ARHGAP8: variants seen among roughly 807,000 people sequenced by gnomAD.
ARHGAP8 encodes Rho GTPase activating protein 8, also known as rho GTPase-activating protein 8.
ARHGAP8 carries 62 observed loss-of-function variants against 46.1 expected under a neutral mutation model. That is an observed-to-expected ratio of 1.34 (90% CI 1.10 to 1.66). The LOEUF is 1.66. ARHGAP8 is among the 40% of genes most tolerant of loss of function. The pLI, the probability that ARHGAP8 is intolerant of heterozygous loss-of-function variation, is 0.00. For missense variants in ARHGAP8, 923 were observed against 568.4 expected (o/e 1.62, Z -6.34); for synonymous variants, 375 against 243.1 (o/e 1.54, Z -5.05).
intron 4 of ARHGAP8, chr22:44,809,807 A>G (rs1338038905): frequency 6.6e-6 from 1 of 152,606 alleles, no homozygotes; most frequent in East Asian, 1.9e-4. Context: ...AACCTGTAAC[A>G]GAAATCTGCT....
At chr22:44,826,093 G>A (rs867341204) in intron 7 of ARHGAP8, among the ~76,000 whole-genome samples, 15 of 152,092 alleles carry the variant, frequency 9.9e-5, no homozygotes, top group African/African-American at 3.6e-4. Flanking sequence ...GTGGTCATGG[G>A]ATGTGCTTAG....
Position 44,862,378 on chromosome 22 carries a change from C to G in ARHGAP8, c.1085C>G (p.Ala362Gly). 3 of 1,614,154 alleles carry G rather than the reference C, an allele frequency of 1.9e-6. No homozygotes were observed. In the South Asian group the frequency reaches 3.3e-5, roughly 18 times the overall value. Residue 362 changes from alanine to glycine, a missense_variant, in exon 12 of 12, where the codon GCC becomes GGC. Physicochemically the swap from Ala to Gly is moderately conservative, Grantham distance 60. Coordinates refer to ENST00000356099, the MANE Select transcript of ARHGAP8 (RefSeq NM_181335.3). ...TCCCAGGGGGTCTCCTCCCTGAGTG[C>G]CCTTGTGCCCCTGAACATGTTCACT... Reference protein sequence around the residue: ...WPSQGVSSLSALVPLNMFTEL... With the variant: ...WPSQGVSSLSGLVPLNMFTEL...
chr22:44,839,471 A>C (rs1010050920), intron 7 of ARHGAP8, among the ~76,000 whole-genome samples: 4 of 152,152 alleles, frequency 2.6e-5, no homozygotes, highest in Admixed American at 2.6e-4. Flanking sequence ...AATAAAACTA[A>C]AGCACACTCG....
intron 6 of ARHGAP8, among the ~76,000 whole-genome samples, chr22:44,825,163 G>C (rs2071759): frequency 2.0e-5 from 3 of 151,896 alleles, no homozygotes; most frequent in African/African-American, 7.3e-5. Flanking sequence ...AGACACTTGC[G>C]AGAGCTGAGG....
At chr22:44,777,805 C>T (rs1329638342) in intron 1 of ARHGAP8, among the ~76,000 whole-genome samples, 2 of 152,134 alleles carry the variant, frequency 1.3e-5, no homozygotes, top group African/African-American at 2.4e-5. Flanking sequence ...AAGCGGTTCT[C>T]CTGCCTGACC....
At chr22:44,845,384 T>C (rs751651840) in intron 8 of ARHGAP8, 42 bp downstream of exon 8, 7 of 1,612,916 alleles carry the variant, frequency 4.3e-6, no homozygotes, top group Non-Finnish European at 4.2e-6. Flanking sequence ...TGAGGGCTGC[T>C]GGGTGCACCT....
At chr22:44,849,296 G>T in intron 10 of ARHGAP8, 1 of 654,116 alleles carries the variant, frequency 1.5e-6, no homozygotes, top group Non-Finnish European at 2.5e-6. Flanking sequence ...TGTCCAGGCC[G>T]GTCTCTCAGG....
At chr22:44,812,892 TATTC>T (rs1378664964) in intron 4 of ARHGAP8, among the ~76,000 whole-genome samples, 4 of 152,166 alleles carry the variant, frequency 2.6e-5, no homozygotes, top group Admixed American at 1.3e-4. Flanking sequence ...TGTCCTATTT[TATTC>T]ATTGAGTTAC....
intron 8 of ARHGAP8, among the ~76,000 whole-genome samples, chr22:44,846,595 C>T (rs148043966): frequency 7.9e-5 from 12 of 152,310 alleles, no homozygotes; most frequent in African/African-American, 1.7e-4. Context: ...CCTGCCTGTC[C>T]CCGGCCTGGA....
At position 44,825,561 on chromosome 22, in the gene ARHGAP8, G is replaced by T. The variant is rs1344795661; in HGVS notation, c.564G>T (p.Leu188=). 3 of 1,613,110 alleles carry T rather than the reference G, an allele frequency of 1.9e-6. 1 individual carries two copies. Among genetic ancestry groups the T allele is most frequent in the Non-Finnish European group, 2.5e-6 (3 of 1,179,822 alleles). The change falls in exon 7 of 12, where the codon CTG becomes CTT. Residue 188 remains leucine (L), a synonymous_variant. Transcript: ENST00000356099. ...PTKTPPPRPP[L]PTQQFGVSLQ... ...AGACACCACCGCCGCGGCCCCCGCT[G>T]CCCACACAGCAGTTTGGCGTCAGTC...
rs1280830680 is a variant in ARHGAP8 at position 44,786,543 on chromosome 22, C to A, written c.16C>A (p.Pro6Thr). 3.4e-5 allele frequency: 55 copies of A among 1,612,812 alleles called. No individual in the cohort carries two copies. Among genetic ancestry groups the A allele is most frequent in the Non-Finnish European group, 4.6e-5 (54 of 1,179,650 alleles). Residue 6 changes from proline to threonine, a missense_variant, in exon 2 of 12, where the codon CCT (proline) becomes ACT (threonine). Physicochemically the swap from Pro to Thr is conservative, Grantham distance 38. Transcript: ENST00000356099. The stretch of plus-strand genomic sequence containing the variant: ...GGTGGTGCCCATGGCTGGCCAGGAT[C>A]CTGCGCTGAGCACGAGTCACCCGTT... MAGQD[P>T]ALSTSHPFYD...
chr22:44,821,763 G>T (rs1445766872), intron 5 of ARHGAP8, among the ~76,000 whole-genome samples: 1 of 152,344 alleles, frequency 6.6e-6, no homozygotes, highest in Non-Finnish European at 1.5e-5. Flanking sequence ...GGCCCTGAGA[G>T]GGAGTGAATT....
chr22:44,859,521 A>T, intron 10 of ARHGAP8: 1 of 592,562 alleles, frequency 1.7e-6, no homozygotes, highest in South Asian at 2.0e-5. Context: ...CTTTTCTTAT[A>T]AATAACCCCA....
chr22:44,858,895 G>A (rs1402593679), intron 10 of ARHGAP8, among the ~76,000 whole-genome samples: 1 of 151,672 alleles, frequency 6.6e-6, no homozygotes, highest in African/African-American at 2.4e-5. Flanking sequence ...AGGCCAGATA[G>A]TAAATATGTT....
At chr22:44,829,146 T>G (rs1319400137) in intron 7 of ARHGAP8, among the ~76,000 whole-genome samples, 20 of 86,342 alleles carry the variant, frequency 2.3e-4, no homozygotes, top group African/African-American at 1.1e-3. Flanking sequence ...AAAAAAAAAG[T>G]TGGGCATGGT....
At chr22:44,853,098 G>A (rs946970154) in intron 10 of ARHGAP8, among the ~76,000 whole-genome samples, 14 of 145,506 alleles carry the variant, frequency 9.6e-5, no homozygotes, top group African/African-American at 3.9e-4. Flanking sequence ...CACCGTGTCC[G>A]GCCTAAACTC....
At chr22:44,862,246 C>T (rs765245969) in intron 11 of ARHGAP8, 29 bp from the exon 12 acceptor site, 10 of 1,563,650 alleles carry the variant, frequency 6.4e-6, no homozygotes, top group Non-Finnish European at 8.7e-6. Context: ...GGTGTTCACT[C>T]CCCTTTACTT....
intron 7 of ARHGAP8, among the ~76,000 whole-genome samples, chr22:44,837,499 C>A (rs1025737325): frequency 2.6e-5 from 4 of 152,186 alleles, no homozygotes; most frequent in Admixed American, 2.0e-4. Context: ...TGCATCCTTG[C>A]TGAGACGTGA....
chr22:44,827,082 G>T (rs1317134002), intron 7 of ARHGAP8, among the ~76,000 whole-genome samples: 1 of 152,110 alleles, frequency 6.6e-6, no homozygotes, highest in Non-Finnish European at 1.5e-5. Flanking sequence ...GGGTTCTCTG[G>T]TGGGCCCAAA....
Sources: gnomAD v4.1 joint callset for allele counts (sites outside exome capture counted in the v4.1 genomes callset) on GRCh38, gnomAD v4.1.1 for gene constraint, MANE v1.5 for transcripts, NCBI Gene and HGNC (gene_info 2026-07-23, HGNC 2026-07-21) for gene names.